Variants in CSMD1 observed in about 807,000 individuals in gnomAD.
The protein encoded by CSMD1 is CUB and sushi domain-containing protein 1.
Under a neutral mutation model 417.5 loss-of-function variants are expected in CSMD1, and 213 were observed. The observed-to-expected ratio is 0.51, with a 90% CI of 0.46 to 0.57. The LOEUF is 0.57. Ranked by LOEUF, CSMD1 falls within the 20% of genes least tolerant of loss-of-function variation. The pLI, the probability that CSMD1 is intolerant of heterozygous loss-of-function variation, is 0.00. For missense variants in CSMD1, 6,923 were observed against 4,529.7 expected, an observed-to-expected ratio of 1.53 and a Z score of -15.17; for synonymous variants, 2,862 against 1,736.8, an observed-to-expected ratio of 1.65 and a Z score of -16.11.
Position 4,450,810 on chromosome 8 carries a change from G to T in CSMD1, c.303-30745C>A, listed in dbSNP as rs534873104. On this transcript the variant is annotated intron_variant, in intron 2 of 69. Transcript: ENST00000635120. ...TTCATTTTGCTTTCATTTACGAGAG[G>T]CATAAACATACTGCACTTGTGAGTA... Among the ~76,000 whole-genome samples the T allele has an allele frequency of 2.6e-5, 4 of 152,256 alleles. No individual in the cohort carries two copies. The East Asian group carries it at 7.7e-4, about 29-fold the overall frequency.
chr8:3,448,698 G>T (rs925053724), intron 12 of CSMD1, among the ~76,000 whole-genome samples: 1 of 152,250 alleles, frequency 6.6e-6, no homozygotes, highest in Non-Finnish European at 1.5e-5. Flanking sequence ...AGGAACTGCA[G>T]CATCGAGAGT....
chr8:3,701,925 C>A (rs1186271707), intron 7 of CSMD1, among the ~76,000 whole-genome samples: 2 of 152,138 alleles, frequency 1.3e-5, no homozygotes, highest in African/African-American at 2.4e-5. Context: ...ATTAACTGAA[C>A]TGTCTCTTTG....
chr8:3,604,006 T>C (rs1003286912), intron 8 of CSMD1, among the ~76,000 whole-genome samples: 1 of 152,244 alleles, frequency 6.6e-6, no homozygotes, highest in Non-Finnish European at 1.5e-5. Flanking sequence ...TCAATATTTA[T>C]TGTTGCCTTA....
At position 4,513,037 on chromosome 8, in the gene CSMD1, C is replaced by T. The variant is rs532560277; in HGVS notation, c.303-92972G>A. 2.0e-5 allele frequency among the ~76,000 whole-genome samples: 3 copies of T among 152,228 alleles called. No individual in the cohort carries two copies. The South Asian group carries it at 6.2e-4, about 32-fold the overall frequency. ...AATAAGCAGAGCACAGATAATTAAACAATGAAAATTATCTGTATGATACTA... is the reference window on the plus strand; with the variant it reads ...AATAAGCAGAGCACAGATAATTAAATAATGAAAATTATCTGTATGATACTA... On this transcript the variant is annotated intron_variant, in intron 2 of 69. Coordinates refer to ENST00000635120, the MANE Select transcript of CSMD1 (RefSeq NM_033225.6).
At chr8:4,580,345 T>C (rs1336428102) in intron 2 of CSMD1, among the ~76,000 whole-genome samples, 3 of 152,324 alleles carry the variant, frequency 2.0e-5, no homozygotes, top group Non-Finnish European at 4.4e-5. Flanking sequence ...CTGTATCATA[T>C]ATCTTTTTAA....
intron 1 of CSMD1, among the ~76,000 whole-genome samples, chr8:4,707,309 G>T (rs1320726755): frequency 3.5e-4 from 54 of 152,246 alleles, no homozygotes; most frequent in Non-Finnish European, 7.4e-5. Flanking sequence ...GCTTGGAGAA[G>T]TTAAATTAAT....
In CSMD1 at chr8:4,457,492, A is replaced by C. The variant is rs560061823; in HGVS notation, c.303-37427T>G. On this transcript the variant is annotated intron_variant, in intron 2 of 69. Transcript: ENST00000635120. ...TGGAAAAGATTACCTGTAGTTTTCT[A>C]TAAGAAATGATCATCTGGACATACC... Among the ~76,000 whole-genome samples, 3 of 152,168 alleles carry C rather than the reference A, an allele frequency of 2.0e-5. No individual in the cohort carries two copies. The East Asian group carries it at 5.8e-4, about 29-fold the overall frequency.
At chr8:4,708,034 C>A (rs1312402659) in intron 1 of CSMD1, among the ~76,000 whole-genome samples, 1 of 152,118 alleles carries the variant, frequency 6.6e-6, no homozygotes, top group Non-Finnish European at 1.5e-5. Context: ...GCCTCAAACT[C>A]CTTGGCTCAA....
Position 4,575,678 on chromosome 8 carries a change from G to A in CSMD1, c.302+61664C>T, listed in dbSNP as rs539663924. ...AAAGGAATAAAATTGTCTAAATACA[G>A]GCAACATTTTGAAGATTTAAAATAT... On this transcript the variant is annotated intron_variant, in intron 2 of 69. Coordinates refer to ENST00000635120, the MANE Select transcript of CSMD1 (RefSeq NM_033225.6). Among the ~76,000 whole-genome samples, 331 of 152,276 alleles carry A rather than the reference G, an allele frequency of 2.2e-3. 1 individual carries two copies. The Middle Eastern group carries it at 0.034, about 16-fold the overall frequency.
chr8:3,997,043 G>T (rs185629684), intron 5 of CSMD1, among the ~76,000 whole-genome samples: 1 of 152,068 alleles, frequency 6.6e-6, no homozygotes, highest in East Asian at 1.9e-4. Flanking sequence ...CATTTCCTCT[G>T]TGTCTACCTG....
At chr8:4,419,113 T>C (rs926574079) in intron 3 of CSMD1, among the ~76,000 whole-genome samples, 14 of 152,318 alleles carry the variant, frequency 9.2e-5, no homozygotes, top group African/African-American at 2.6e-4. Context: ...TGTGACTTAG[T>C]AGCAAATGAC....
intron 26 of CSMD1, among the ~76,000 whole-genome samples, chr8:3,260,153 G>A (rs1217391055): frequency 2.6e-5 from 4 of 152,148 alleles, no homozygotes; most frequent in Admixed American, 1.3e-4. Flanking sequence ...TAATTCTCAT[G>A]TCTTTGAGTT....
chr8:4,301,877 A>T (rs1412602273), intron 3 of CSMD1, among the ~76,000 whole-genome samples: 2 of 64,830 alleles, frequency 3.1e-5, no homozygotes, highest in Non-Finnish European at 5.8e-5. Context: ...CTTCACCATA[A>T]ATTTGTTGTT....
chr8:3,549,177 A>G (rs926288245), intron 10 of CSMD1, among the ~76,000 whole-genome samples: 4 of 152,166 alleles, frequency 2.6e-5, no homozygotes, highest in Non-Finnish European at 5.9e-5. Flanking sequence ...CTCACGGTCC[A>G]CATCCAGTCT....
At position 4,303,420 on chromosome 8, in the gene CSMD1, C is replaced by CT. The variant is rs1563419612; in HGVS notation, c.415+116532dup. Reference sequence around the variant, plus strand: ...TCTCATTTATATATTGGGCAGGAAGCTGTTTTTTTTTTTTTTTTTTTTTTT... The same window carrying CT: ...TCTCATTTATATATTGGGCAGGAAGCTTGTTTTTTTTTTTTTTTTTTTTTTT... On this transcript the variant is annotated intron_variant, in intron 3 of 69. Coordinates refer to ENST00000635120, the MANE Select transcript of CSMD1 (RefSeq NM_033225.6). Among the ~76,000 whole-genome samples, 56 of 92,326 alleles carry CT rather than the reference C, an allele frequency of 6.1e-4. 3 individuals carry two copies. The highest frequency in any genetic ancestry group is 7.6e-4 in the Non-Finnish European group (37 of 48,470). 60.6% of individuals were successfully genotyped at this position (92,326 alleles called of 152,430 possible).
At chr8:4,129,519 G>T in intron 3 of CSMD1, among the ~76,000 whole-genome samples, 1 of 152,054 alleles carries the variant, frequency 6.6e-6, no homozygotes, top group Non-Finnish European at 1.5e-5. Flanking sequence ...TTTTGCCAGG[G>T]CATAGGAATC....
At chr8:4,098,476 G>A (rs1801140037) in intron 3 of CSMD1, among the ~76,000 whole-genome samples, 1 of 152,160 alleles carries the variant, frequency 6.6e-6, no homozygotes, top group Admixed American at 6.5e-5. Context: ...GTTGGAAGTT[G>A]TCTAGCTCCT....
intron 5 of CSMD1, among the ~76,000 whole-genome samples, chr8:3,821,876 A>T (rs564940264): frequency 6.6e-6 from 1 of 152,316 alleles, no homozygotes; most frequent in South Asian, 2.1e-4. Flanking sequence ...TCACACGGAG[A>T]AGGTAAAAAC....
At chr8:3,065,421 G>C (rs1277466828) in intron 49 of CSMD1, among the ~76,000 whole-genome samples, 1 of 152,070 alleles carries the variant, frequency 6.6e-6, no homozygotes, top group Admixed American at 6.5e-5. Context: ...TAAATCAGTA[G>C]AGAGATGATA....
Sources: allele counts gnomAD v4.1 joint callset (sites outside exome capture counted in the v4.1 genomes callset), GRCh38; gene constraint gnomAD v4.1.1; transcripts MANE v1.5; gene names NCBI Gene and HGNC (gene_info 2026-07-23, HGNC 2026-07-21).